The following RCOR3 variants were observed in gnomAD, a reference collection of about 807,000 sequenced individuals.
RCOR3 encodes REST corepressor 3.
RCOR3 carries 13 observed loss-of-function variants against 64.1 expected under a neutral mutation model. The observed-to-expected ratio is 0.20, with a 90% CI of 0.13 to 0.32. The LOEUF (loss-of-function observed/expected upper bound fraction) is 0.32. Among genes scored for constraint, RCOR3 ranks in the 10% least tolerant of loss-of-function variants. The probability of loss-of-function intolerance (pLI) is 1.00; values close to 1 mark genes in which losing one functional copy is unlikely to be tolerated. For missense variants in RCOR3, 489 were observed against 701.2 expected, an observed-to-expected ratio of 0.70 and a Z score of 3.42; for synonymous variants, 215 against 239.0, an observed-to-expected ratio of 0.90 and a Z score of 0.93.
intron 7 of RCOR3, among the ~76,000 whole-genome samples, chr1:211,283,096 T>G (rs752777759): frequency 6.6e-6 from 1 of 152,250 alleles, no homozygotes; most frequent in Non-Finnish European, 1.5e-5. Context: ...ATTTCCAGCT[T>G]TTTATTACGG....
rs942175928 is a variant in RCOR3 at position 211,314,925 on chromosome 1, C to T, written c.*1157C>T. On this transcript the variant is annotated 3_prime_UTR_variant, in exon 12 of 12. Transcript: ENST00000419091. ...TTATTTCATAAAATAAGAATTTGTT[C>T]TGTGTTATCTAAAGATGTATCAGTA... 6.6e-6 allele frequency: 1 copy of T among 152,120 alleles called. No individual in the cohort carries two copies. Among genetic ancestry groups the T allele is most frequent in the Admixed American group, 6.5e-5 (1 of 15,276 alleles). The allele number at this position is 152,120 out of a possible 1,614,324, so 9.4% of individuals were successfully genotyped here.
Position 211,312,726 on chromosome 1 carries a change from G to T in RCOR3, c.1082G>T (p.Arg361Leu). The change falls in exon 11 of 12, where the codon CGC (arginine) becomes CTC (leucine). Residue 361 changes from arginine to leucine, a missense_variant. Arg to Leu is a moderately radical substitution (Grantham distance 102). This residue lies in a region of RCOR3 where 402 missense variants were observed against 617.0 expected (regional missense o/e 0.65). Transcript: ENST00000419091. The surrounding 1 kb of genome is among the most constrained non-coding windows in gnomAD (Gnocchi z 5.0). The stretch of plus-strand genomic sequence containing the variant: ...TATTTACTTTGCCTTCCAGGTGTCC[G>T]CAAATATGGTAAAGATTTTCAAGCT... ...EEQLLAVQGVRKYGKDFQAIA... is the reference protein window; with the variant it reads ...EEQLLAVQGVLKYGKDFQAIA... 1 of 1,613,630 alleles carries T rather than the reference G, an allele frequency of 6.2e-7. No homozygotes were observed. Among genetic ancestry groups the T allele is most frequent in the East Asian group, 2.2e-5 (1 of 44,886 alleles).
rs111314173 is a variant in RCOR3, at chr1:211,295,147, G to A, written c.940-529G>A. Among the ~76,000 whole-genome samples the A allele has an allele frequency of 4.0e-5, 6 of 149,280 alleles. 1 individual carries two copies. Among genetic ancestry groups the A allele is most frequent in the African/African-American group, 1.5e-4 (6 of 40,798 alleles). The stretch of plus-strand genomic sequence containing the variant: ...AAAAACACTAGGATTTTAGGCATGA[G>A]CTACTGTACCTGGCTAGTTCAGTGA... On this transcript the variant is annotated intron_variant, in intron 8 of 11. Coordinates refer to ENST00000419091, the MANE Select transcript of RCOR3 (RefSeq NM_001136223.3).
chr1:211,294,057 C>T (rs1699563882), intron 8 of RCOR3, among the ~76,000 whole-genome samples: 1 of 152,152 alleles, frequency 6.6e-6, no homozygotes, highest in Non-Finnish European at 1.5e-5. Flanking sequence ...AGAGTCTGTT[C>T]TGCTATAACT....
chr1:211,309,951 T>TC (rs746666255), intron 10 of RCOR3, among the ~76,000 whole-genome samples: 124 of 152,274 alleles, frequency 8.1e-4, no homozygotes, highest in Non-Finnish European at 1.6e-3. Flanking sequence ...AGTTCCATCT[T>TC]CTAACCAAAG....
chr1:211,316,355 G>C lies in RCOR3; in HGVS notation c.*2587G>C, dbSNP rs982197742. The C allele has an allele frequency of 1.3e-5, 2 of 152,082 alleles. No individual in the cohort carries two copies. Among genetic ancestry groups the C allele is most frequent in the Non-Finnish European group, 2.9e-5 (2 of 67,982 alleles). The allele number at this position is 152,082 out of a possible 1,614,324, so 9.4% of individuals were successfully genotyped here. On this transcript the variant is annotated 3_prime_UTR_variant, in exon 12 of 12. Transcript: ENST00000419091. ...AATAAGCTTGCAATTGAGTAAAATA[G>C]AATATAAAATAAAGGTGAAATAATA...
rs763637909 is a variant in RCOR3, at chr1:211,313,460, TCACCTCCTGCCCCATCATCCACTCCAA to T, written c.1359_1385del (p.Pro454_Pro462del). The T allele has an allele frequency of 2.5e-6, 4 of 1,613,866 alleles. No homozygotes were observed. The highest frequency in any genetic ancestry group is 1.7e-6 in the Non-Finnish European group (2 of 1,179,962). On this transcript the variant is annotated inframe_deletion, in exon 12 of 12. Transcript: ENST00000419091. This position sits in a 1 kb window ranked among gnomAD's most constrained non-coding sequence, Gnocchi z 4.7. The stretch of plus-strand genomic sequence containing the variant: ...ACAGGCTCCTCGGACACTGGGTCCA[TCACCTCCTGCCCCATCATCCACTCCAA>T]CACCAACAGCCCCTATTGCCACTCT...
At chr1:211,278,916 C>T (rs543883171) in intron 6 of RCOR3, among the ~76,000 whole-genome samples, 5 of 152,264 alleles carry the variant, frequency 3.3e-5, no homozygotes, top group African/African-American at 1.2e-4. Context: ...TGGTTGGGCA[C>T]AGTGGCTCAT....
chr1:211,272,873 G>A (rs1023094839), intron 3 of RCOR3, among the ~76,000 whole-genome samples: 2 of 151,364 alleles, frequency 1.3e-5, no homozygotes, highest in Admixed American at 6.6e-5. Flanking sequence ...CGCCCGCCTC[G>A]GCCTCCCAAA....
chr1:211,288,559 T>C (rs1414228979), intron 7 of RCOR3, among the ~76,000 whole-genome samples: 1 of 147,134 alleles, frequency 6.8e-6, no homozygotes, highest in African/African-American at 2.5e-5. Context: ...ATAAATATTT[T>C]ATTTATATTT....
chr1:211,290,284 C>A (rs1248767815), intron 8 of RCOR3, among the ~76,000 whole-genome samples: 2 of 152,174 alleles, frequency 1.3e-5, no homozygotes, highest in African/African-American at 4.8e-5. Flanking sequence ...CAGCTGCCTG[C>A]TAGGTCTTCC....
intron 10 of RCOR3, among the ~76,000 whole-genome samples, chr1:211,308,696 T>TGTGTG (rs1701169741): frequency 8.7e-5 from 4 of 46,028 alleles, no homozygotes; most frequent in Admixed American, 3.2e-4. Context: ...TTTTTTTTTT[T>TGTGTG]TTTGTGTAGT....
In RCOR3 at chr1:211,288,489, ATATT is replaced by A. The variant is rs1050741772; in HGVS notation, c.721-685_721-682del. Among the ~76,000 whole-genome samples, 5 of 97,964 alleles carry A rather than the reference ATATT, an allele frequency of 5.1e-5. No homozygotes were observed. The East Asian group carries it at 1.5e-3, about 29-fold the overall frequency. 64.3% of individuals were successfully genotyped at this position (97,964 alleles called of 152,430 possible). ...ATTTTATTTATAAATAAATTTATAA[ATATT>A]TATAAATTATTTTATAAATATATTT... On this transcript the variant is annotated intron_variant, in intron 7 of 11. Transcript: ENST00000419091.
intron 7 of RCOR3, among the ~76,000 whole-genome samples, chr1:211,280,207 C>T (rs1264388783): frequency 6.6e-6 from 1 of 152,158 alleles, no homozygotes; most frequent in African/African-American, 2.4e-5. Context: ...AATACCCCTC[C>T]ACCCCTAAAA....
Position 211,269,157 on chromosome 1 carries a change from C to T in RCOR3, c.224-2075C>T, listed in dbSNP as rs146985898. ...AATTCTGGCTATTAATGGTAATTATCGGTACCACATAAAAGTCATTTATGA... is the reference window on the plus strand; with the variant it reads ...AATTCTGGCTATTAATGGTAATTATTGGTACCACATAAAAGTCATTTATGA... On this transcript the variant is annotated intron_variant, in intron 2 of 11. Transcript: ENST00000419091. 4.3e-3 allele frequency among the ~76,000 whole-genome samples: 661 copies of T among 152,120 alleles called. 4 individuals carry two copies. The highest frequency in any genetic ancestry group is 0.015 in the African/African-American group (631 of 41,484).
rs549712061 is a variant in RCOR3, at chr1:211,275,062, A to G, written c.354+800A>G. Among the ~76,000 whole-genome samples the G allele has an allele frequency of 9.2e-5, 14 of 151,466 alleles. No homozygotes were observed. The South Asian group carries it at 2.9e-3, about 31-fold the overall frequency. ...TATATAATATACTATATATAGAGAG[A>G]CAAATATATGGTACATTACCCTTAG... is the stretch of plus-strand genomic sequence containing the variant. On this transcript the variant is annotated intron_variant, in intron 4 of 11. Transcript: ENST00000419091.
chr1:211,259,711 A>AGCG lies in RCOR3; in HGVS notation c.152_154dup (p.Ser51_Asp52insGly). The AGCG allele has an allele frequency of 6.6e-7, 1 of 1,515,072 alleles. No homozygotes were observed. Among genetic ancestry groups the AGCG allele is most frequent in the Non-Finnish European group, 8.8e-7 (1 of 1,130,654 alleles). 93.9% of individuals were successfully genotyped at this position (1,515,072 alleles called of 1,614,324 possible). A position where few individuals can be genotyped will look rare whatever the true frequency, so the allele number is the denominator to read the frequency against. ...CTCAGAGCCCGAGAGCGGCTGCAGC[A>AGCG]GCGACGACGAGCACGGTGGTAGCCT... On this transcript the variant is annotated inframe_insertion, in exon 1 of 12. Coordinates refer to ENST00000419091, the MANE Select transcript of RCOR3 (RefSeq NM_001136223.3).
chr1:211,290,183 G>T (rs567127766), intron 8 of RCOR3, among the ~76,000 whole-genome samples: 1 of 151,888 alleles, frequency 6.6e-6, no homozygotes, highest in Non-Finnish European at 1.5e-5. Flanking sequence ...TACTTTCTTG[G>T]TCTATATCAA....
chr1:211,308,597 G>GA (rs577497271), intron 10 of RCOR3, among the ~76,000 whole-genome samples: 2 of 136,272 alleles, frequency 1.5e-5, no homozygotes, highest in African/African-American at 5.5e-5. Flanking sequence ...GTGAAAGCCA[G>GA]AAAAAAAATC....
Sources: gnomAD v4.1 joint callset for allele counts (sites outside exome capture counted in the v4.1 genomes callset) on GRCh38, gnomAD v4.1.1 for gene constraint, gnomAD v4.1.1 regional missense constraint, Gnocchi (gnomAD v3.1) non-coding constraint, MANE v1.5 for transcripts, NCBI Gene and HGNC (gene_info 2026-07-23, HGNC 2026-07-21) for gene names.